Variants in DOCK1 observed in about 807,000 individuals in gnomAD.
DOCK1 encodes the protein dedicator of cytokinesis protein 1.
A neutral mutation model predicts 262.7 loss-of-function variants in DOCK1; 138 were observed. The ratio of observed to expected loss-of-function variants is 0.53; its 90% CI spans 0.46 to 0.61. The LOEUF (loss-of-function observed/expected upper bound fraction) is 0.61. DOCK1 is among the 20% of genes least tolerant of loss of function. The probability of loss-of-function intolerance (pLI) is 0.00; values close to 1 mark genes in which losing one functional copy is unlikely to be tolerated. For missense variants in DOCK1, 1,908 were observed against 2,370.7 expected, an observed-to-expected ratio of 0.80 and a Z score of 4.05; for synonymous variants, 866 against 867.4, an observed-to-expected ratio of 1.00 and a Z score of 0.03.
chr10:126,951,610 T>G (rs1482822681), intron 1 of DOCK1, among the ~76,000 whole-genome samples: 1 of 98,202 alleles, frequency 1.0e-5, no homozygotes, highest in Non-Finnish European at 2.2e-5. Context: ...TTTGGTAGTG[T>G]TGGTGGTGGT....
intron 27 of DOCK1, chr10:127,145,810 A>G (rs906421753): frequency 4.0e-5 from 13 of 323,754 alleles, no homozygotes; most frequent in African/African-American, 2.9e-4. Flanking sequence ...CATCATCTCC[A>G]CTAAACGTAG....
chr10:127,068,104 G>C (rs1055196742), intron 23 of DOCK1, among the ~76,000 whole-genome samples: 10 of 152,144 alleles, frequency 6.6e-5, no homozygotes, highest in Admixed American at 5.9e-4. Context: ...AGTAAATACA[G>C]CTGATGGGTG....
chr10:127,213,444 G>C (rs531613597), intron 27 of DOCK1, among the ~76,000 whole-genome samples: 2 of 152,290 alleles, frequency 1.3e-5, no homozygotes, highest in African/African-American at 4.8e-5. Flanking sequence ...AATTTACATG[G>C]TTTGGAATCA....
chr10:126,949,958 C>G (rs1396940409), intron 1 of DOCK1, among the ~76,000 whole-genome samples: 1 of 151,918 alleles, frequency 6.6e-6, no homozygotes, highest in East Asian at 1.9e-4. Flanking sequence ...TGGCTAGGGA[C>G]AGAAGCTGGG....
At chr10:126,909,768 G>A (rs747881932) in intron 1 of DOCK1, among the ~76,000 whole-genome samples, 1 of 152,200 alleles carries the variant, frequency 6.6e-6, no homozygotes, top group Non-Finnish European at 1.5e-5. Flanking sequence ...TTAGCCCTGC[G>A]TTTAAGATAT....
intron 1 of DOCK1, among the ~76,000 whole-genome samples, chr10:126,955,307 G>A (rs1353645619): frequency 3.3e-5 from 5 of 152,140 alleles, no homozygotes; most frequent in African/African-American, 1.2e-4. Flanking sequence ...TGTCCTTTTT[G>A]TAGAGAAGGG....
chr10:127,101,913 TA>T (rs1255796210), intron 23 of DOCK1, among the ~76,000 whole-genome samples: 1 of 152,252 alleles, frequency 6.6e-6, no homozygotes, highest in Non-Finnish European at 1.5e-5. Flanking sequence ...CGCTGGCTAT[TA>T]AATGTCACAA....
At chr10:127,014,168 A>G (rs1393035628) in intron 12 of DOCK1, among the ~76,000 whole-genome samples, 1 of 152,120 alleles carries the variant, frequency 6.6e-6, no homozygotes. Flanking sequence ...AGAGACAAAA[A>G]TCCTGAATAT....
chr10:126,955,151 G>A (rs2036629052), intron 1 of DOCK1, among the ~76,000 whole-genome samples: 5 of 152,118 alleles, frequency 3.3e-5, no homozygotes. Flanking sequence ...TCTTGAGATG[G>A]AGTCTTGCTC....
At chr10:127,378,443 C>A (rs2065643389) in intron 35 of DOCK1, among the ~76,000 whole-genome samples, 1 of 151,992 alleles carries the variant, frequency 6.6e-6, no homozygotes, top group Admixed American at 6.6e-5. Flanking sequence ...CCCGCGGAGC[C>A]CAGGAGGAGT....
intron 31 of DOCK1, among the ~76,000 whole-genome samples, chr10:127,351,462 G>C (rs965277312): frequency 6.6e-6 from 1 of 152,206 alleles, no homozygotes; most frequent in Non-Finnish European, 1.5e-5. Flanking sequence ...GTGTCGTGCT[G>C]TGGAGGCATG....
At chr10:127,309,809 G>A (rs139506295) in intron 29 of DOCK1, among the ~76,000 whole-genome samples, 1 of 151,978 alleles carries the variant, frequency 6.6e-6, no homozygotes, top group South Asian at 2.1e-4. Flanking sequence ...TTTTTAATCA[G>A]TGAGATGACT....
chr10:127,092,731 C>T (rs1047288552), intron 23 of DOCK1, among the ~76,000 whole-genome samples: 2 of 152,144 alleles, frequency 1.3e-5, no homozygotes, highest in African/African-American at 4.8e-5. Context: ...GATCCGCCTG[C>T]CTCAGTCTCC....
chr10:127,415,100 C>T (rs1316655704), intron 43 of DOCK1, 52 bp from the exon 44 acceptor site: 1 of 1,550,184 alleles, frequency 6.5e-7, no homozygotes, highest in African/African-American at 1.4e-5. Flanking sequence ...CAGAGCTGTC[C>T]ACCTGCTGAC....
intron 1 of DOCK1, among the ~76,000 whole-genome samples, chr10:126,919,865 G>A (rs548582092): frequency 2.6e-4 from 40 of 152,272 alleles, no homozygotes; most frequent in African/African-American, 5.1e-4. Context: ...ACACCTTGCC[G>A]TACATTGAAT....
intron 40 of DOCK1, among the ~76,000 whole-genome samples, chr10:127,407,861 G>C (rs2067608813): frequency 6.6e-6 from 1 of 151,976 alleles, no homozygotes; most frequent in Non-Finnish European, 1.5e-5. Flanking sequence ...TCTGTTTCTT[G>C]TACCCCTGTG....
chr10:127,104,797 A>G (rs567584873), intron 23 of DOCK1, among the ~76,000 whole-genome samples: 29 of 152,210 alleles, frequency 1.9e-4, no homozygotes, highest in Non-Finnish European at 4.1e-4. Flanking sequence ...GAGCAAAGGG[A>G]CTCAGGGTCT....
chr10:127,118,486 C>G (rs542286010), intron 25 of DOCK1, among the ~76,000 whole-genome samples: 43 of 152,320 alleles, frequency 2.8e-4, no homozygotes, highest in South Asian at 1.7e-3. Flanking sequence ...TCTGCTCCCC[C>G]ACTGCCTTCC....
In DOCK1 at chr10:127,447,468, G is replaced by A. The variant is rs748393302; in HGVS notation, c.5488G>A (p.Ala1830Thr). 6.2e-7 allele frequency: 1 copy of A among 1,613,660 alleles called. No homozygotes were observed. Among genetic ancestry groups the A allele is most frequent in the East Asian group, 2.2e-5 (1 of 44,876 alleles). The change falls in exon 51 of 52, where the codon GCA becomes ACA. Residue 1830 changes from alanine (A) to threonine (T), a missense_variant. Ala to Thr is a moderately conservative substitution (Grantham distance 58). Transcript: ENST00000623213. The stretch of plus-strand genomic sequence containing the variant: ...CCCTCTGCCTCTCAAAGGCAGCGTG[G>A]CAGATTACGGGAATTTGATGGAAAA... Reference protein sequence around the residue: ...PPPLPLKGSVADYGNLMENQD... With the variant: ...PPPLPLKGSVTDYGNLMENQD...
Sources: gnomAD v4.1 joint callset for allele counts (sites outside exome capture counted in the v4.1 genomes callset) on GRCh38, gnomAD v4.1.1 for gene constraint, MANE v1.5 for transcripts, NCBI Gene and HGNC (gene_info 2026-07-23, HGNC 2026-07-21) for gene names.